TCF7L2: variants seen among roughly 807,000 people sequenced by gnomAD.
The protein encoded by TCF7L2 is transcription factor 7-like 2.
TCF7L2 carries 23 observed loss-of-function variants against 77.9 expected under a neutral mutation model. The observed-to-expected ratio is 0.30, with a 90% CI of 0.21 to 0.42. TCF7L2 has a LOEUF of 0.42. TCF7L2 is among the 10% of genes least tolerant of loss of function. The pLI, the probability that TCF7L2 is intolerant of heterozygous loss-of-function variation, is 1.00. For missense variants in TCF7L2, 654 were observed against 793.1 expected, an observed-to-expected ratio of 0.82 and a Z score of 2.11; for synonymous variants, 413 against 340.2, an observed-to-expected ratio of 1.21 and a Z score of -2.36.
intron 5 of TCF7L2, among the ~76,000 whole-genome samples, chr10:113,048,643 T>A (rs2053863002): frequency 6.6e-6 from 1 of 152,204 alleles, no homozygotes; most frequent in Non-Finnish European, 1.5e-5. Context: ...TAATCCAACC[T>A]TATACATTCC....
intron 5 of TCF7L2, among the ~76,000 whole-genome samples, chr10:113,071,221 T>C (rs562259375): frequency 6.6e-5 from 10 of 152,300 alleles, no homozygotes; most frequent in East Asian, 5.8e-4. Flanking sequence ...AGTTGACTTT[T>C]TGAGTAGAAA....
intron 5 of TCF7L2, among the ~76,000 whole-genome samples, chr10:113,060,816 C>T (rs898188468): frequency 5.9e-5 from 9 of 151,954 alleles, no homozygotes; most frequent in Non-Finnish European, 1.3e-4. Flanking sequence ...AAGACGCCGC[C>T]CAGAATGGCT....
chr10:112,991,576 T>G (rs1402212295), intron 4 of TCF7L2, among the ~76,000 whole-genome samples: 1 of 149,818 alleles, frequency 6.7e-6, no homozygotes, highest in Admixed American at 6.6e-5. Context: ...AGCCATGGGG[T>G]GAGTCTCTGC....
chr10:113,129,314 C>T (rs2066175966), intron 5 of TCF7L2: 1 of 986,344 alleles, frequency 1.0e-6, no homozygotes, highest in South Asian at 4.7e-5. Flanking sequence ...CATTTTCCCT[C>T]ATGGCTGACC....
intron 4 of TCF7L2, among the ~76,000 whole-genome samples, chr10:113,011,276 C>T (rs2046402764): frequency 6.6e-6 from 1 of 152,172 alleles, no homozygotes; most frequent in African/African-American, 2.4e-5. Context: ...AACAAAAGCA[C>T]AGGGCCATAG....
At chr10:113,026,743 A>T (rs1355742438) in intron 4 of TCF7L2, among the ~76,000 whole-genome samples, 1 of 152,132 alleles carries the variant, frequency 6.6e-6, no homozygotes, top group East Asian at 1.9e-4. Context: ...CCATCTCCTG[A>T]ATTCCTGGGA....
intron 4 of TCF7L2, among the ~76,000 whole-genome samples, chr10:113,011,528 A>G (rs1390357316): frequency 6.6e-6 from 1 of 152,140 alleles, no homozygotes; most frequent in Non-Finnish European, 1.5e-5. Context: ...TACTACCGTG[A>G]GTATTGCTGT....
intron 5 of TCF7L2, among the ~76,000 whole-genome samples, chr10:113,105,798 G>A (rs933533241): frequency 3.9e-5 from 6 of 152,216 alleles, no homozygotes; most frequent in African/African-American, 1.4e-4. Flanking sequence ...AGAGGAGAGA[G>A]CAAGAGAATC....
At chr10:113,029,948 A>G (rs2049933138) in intron 4 of TCF7L2, among the ~76,000 whole-genome samples, 1 of 152,160 alleles carries the variant, frequency 6.6e-6, no homozygotes, top group African/African-American at 2.4e-5. Flanking sequence ...AAATGTACCC[A>G]TTTAAGGTGT....
chr10:113,035,895 G>T (rs557489105), intron 4 of TCF7L2, among the ~76,000 whole-genome samples: 1 of 152,214 alleles, frequency 6.6e-6, no homozygotes, highest in South Asian at 2.1e-4. Context: ...GACAGAGATT[G>T]TGTGGGCCGC....
In TCF7L2 at chr10:112,952,766, C is replaced by T. The variant is rs376653049; in HGVS notation, c.381+1159C>T. On this transcript the variant is annotated intron_variant, in intron 3 of 13. Transcript: ENST00000627217. ...GGGGTGCCGGGCTCGGGGGGCGCTT[C>T]CTGCAGGGTCGGTCCCGCGCCCAAC... Among the ~76,000 whole-genome samples the T allele has an allele frequency of 5.9e-5, 9 of 152,082 alleles. No individual in the cohort carries two copies. The East Asian group carries it at 9.7e-4, about 16-fold the overall frequency.
intron 4 of TCF7L2, among the ~76,000 whole-genome samples, chr10:112,976,562 G>C (rs114631488): frequency 6.6e-6 from 1 of 152,158 alleles, no homozygotes; most frequent in African/African-American, 2.4e-5. Flanking sequence ...CTGGGACATC[G>C]TAGGTGTACA....
chr10:113,074,723 C>T (rs1164782696), intron 5 of TCF7L2, among the ~76,000 whole-genome samples: 1 of 152,154 alleles, frequency 6.6e-6, no homozygotes, highest in African/African-American at 2.4e-5. Context: ...AAGCTGGGGC[C>T]TCCACGCCAT....
chr10:113,066,879 A>T (rs986493590), intron 5 of TCF7L2, among the ~76,000 whole-genome samples: 9 of 152,240 alleles, frequency 5.9e-5, no homozygotes, highest in African/African-American at 2.2e-4. Flanking sequence ...ACCATCAAAA[A>T]CATGTCCACA....
chr10:113,151,980 T>C lies in TCF7L2; in HGVS notation c.1161+96T>C. On this transcript the variant is annotated intron_variant, in intron 10 of 13. Transcript: ENST00000627217. This position sits in a 1 kb window ranked among gnomAD's most constrained non-coding sequence, Gnocchi z 5.2. ...GCAGAATGTCTCTGTCCCCATTTCTTTGGAGAATTCTTGCCCTTCAGCCAC... is the reference window on the plus strand; with the variant it reads ...GCAGAATGTCTCTGTCCCCATTTCTCTGGAGAATTCTTGCCCTTCAGCCAC... 6.7e-7 allele frequency: 1 copy of C among 1,490,248 alleles called. No individual in the cohort carries two copies. The highest frequency in any genetic ancestry group is 1.4e-5 in the South Asian group (1 of 73,102). The allele number at this position is 1,490,248 out of a possible 1,614,324, so 92.3% of individuals were successfully genotyped here.
At chr10:113,028,032 G>A (rs572099360) in intron 4 of TCF7L2, among the ~76,000 whole-genome samples, 34 of 152,314 alleles carry the variant, frequency 2.2e-4, no homozygotes, top group African/African-American at 6.7e-4. Context: ...ATCTTTTACT[G>A]TGCCTAATGG....
intron 4 of TCF7L2, among the ~76,000 whole-genome samples, chr10:112,985,049 G>A (rs2041229483): frequency 6.6e-6 from 1 of 152,080 alleles, no homozygotes; most frequent in Non-Finnish European, 1.5e-5. Context: ...ACCTCTCTCC[G>A]AGGATTAAAT....
intron 5 of TCF7L2, among the ~76,000 whole-genome samples, chr10:113,139,467 T>C (rs2067954110): frequency 6.6e-6 from 1 of 152,290 alleles, no homozygotes; most frequent in Non-Finnish European, 1.5e-5. Context: ...GGCTGCCCCT[T>C]TTATGGAAGT....
intron 6 of TCF7L2, 152 bp downstream of exon 6, chr10:113,141,468 A>G (rs2068369404): frequency 1.8e-6 from 2 of 1,139,202 alleles, no homozygotes; most frequent in Admixed American, 5.5e-5. Context: ...TGGGTGTTGA[A>G]AAGGAAGCTC....
Sources: allele counts gnomAD v4.1 joint callset (sites outside exome capture counted in the v4.1 genomes callset), GRCh38; gene constraint gnomAD v4.1.1; non-coding constraint Gnocchi (gnomAD v3.1); transcripts MANE v1.5; gene names NCBI Gene and HGNC (gene_info 2026-07-23, HGNC 2026-07-21).